Variants in FAM217B observed in about 807,000 individuals in gnomAD.
The protein encoded by FAM217B is protein FAM217B.
For synonymous variants in FAM217B, 163 were observed against 173.0 expected (o/e 0.94, Z 0.45); for missense variants, 463 against 456.9 (o/e 1.01, Z -0.12).
upstream of FAM217B, chr20:59,939,759 G>A (rs1490519469): frequency 4.9e-6 from 6 of 1,224,632 alleles, no homozygotes; most frequent in African/African-American, 6.3e-5. Flanking sequence ...GTCGCAGCCC[G>A]ACGGCGCTGG....
chr20:59,935,745 C>T (rs546735383), upstream of FAM217B, among the ~76,000 whole-genome samples: 140 of 152,288 alleles, frequency 9.2e-4, no homozygotes, highest in Middle Eastern at 0.017. Context: ...TGCACTCCAA[C>T]GTTGGTGACA....
chr20:59,939,704 G>C (rs1305607394), upstream of FAM217B: 6 of 1,338,490 alleles, frequency 4.5e-6, no homozygotes, highest in Admixed American at 4.1e-5. Flanking sequence ...CGGGGGAGCT[G>C]GGCAGTGAGC....
upstream of FAM217B, chr20:59,939,360 C>T: frequency 6.2e-7 from 1 of 1,610,864 alleles, no homozygotes; most frequent in Non-Finnish European, 8.5e-7. Context: ...GCGCACCGTA[C>T]CGCTGATGCC....
At chr20:59,936,091 C>A (rs991373786), upstream of FAM217B, among the ~76,000 whole-genome samples, 1 of 152,190 alleles carries the variant, frequency 6.6e-6, no homozygotes, top group African/African-American at 2.4e-5. Context: ...ATAGTACAGT[C>A]TATTGCTTCA....
upstream of FAM217B, chr20:59,939,288 C>T: frequency 6.2e-7 from 1 of 1,612,416 alleles, no homozygotes; most frequent in Non-Finnish European, 8.5e-7. Context: ...CTCGTGGGTA[C>T]TGCGCCAGCC....
chr20:59,934,930 G>A (rs1276015906), intron 1 of FAM217B, among the ~76,000 whole-genome samples: 1 of 152,138 alleles, frequency 6.6e-6, no homozygotes, highest in African/African-American at 2.4e-5. Context: ...CCAACTTCTT[G>A]ACAACTTTGT....
chr20:59,939,008 C>G, upstream of FAM217B: 1 of 1,491,192 alleles, frequency 6.7e-7, no homozygotes, highest in Non-Finnish European at 8.9e-7. Flanking sequence ...TGTGGAGGCT[C>G]CAGGTGGCCG....
chr20:59,939,104 G>A, upstream of FAM217B: 2 of 1,600,598 alleles, frequency 1.2e-6, no homozygotes, highest in Non-Finnish European at 1.7e-6. Flanking sequence ...GACATGTGAG[G>A]CTGTAGTCTC....
intron 1 of FAM217B, among the ~76,000 whole-genome samples, chr20:59,935,343 G>A (rs1179041500): frequency 4.6e-5 from 7 of 152,144 alleles, no homozygotes. Flanking sequence ...TGTTCAGGAA[G>A]CCTGCGGATT....
Position 59,944,379 on chromosome 20 carries a change from C to G in FAM217B, c.436C>G (p.Leu146Val). 1.2e-6 allele frequency: 2 copies of G among 1,614,082 alleles called. No individual in the cohort carries two copies. Among genetic ancestry groups the G allele is most frequent in the East Asian group, 4.5e-5 (2 of 44,868 alleles). The change falls in exon 4 of 4, where the codon CTT becomes GTT. Residue 146 changes from leucine to valine, a missense_variant. Coordinates refer to ENST00000360816, the MANE Select transcript of FAM217B (RefSeq NM_022106.3). Reference protein sequence around the residue: ...TKPEYYYPNFLPSPFSSWDLR... With the variant: ...TKPEYYYPNFVPSPFSSWDLR... ...ACCTGAATACTATTATCCTAATTTC[C>G]TTCCATCCCCTTTCAGCTCCTGGGA...
chr20:59,942,354 G>C (rs1031039843), intron 2 of FAM217B, 45 bp downstream of exon 2: 7 of 152,204 alleles, frequency 4.6e-5, no homozygotes, highest in Admixed American at 4.6e-4. Flanking sequence ...TTTATTCTGG[G>C]ATTTTTGTTT....
At chr20:59,940,179 A>G (rs977000697), upstream of FAM217B, 122 of 381,088 alleles carry the variant, frequency 3.2e-4, no homozygotes, top group Non-Finnish European at 5.3e-4. Context: ...AAGCTTTCAG[A>G]GGCCTCCCGG....
intron 1 of FAM217B, chr20:59,941,982 T>C (rs992589646): frequency 3.3e-5 from 5 of 152,218 alleles, no homozygotes; most frequent in African/African-American, 7.2e-5. Flanking sequence ...CTGTCTCTAA[T>C]ATCTACTGTA....
chr20:59,945,694 A>T lies in FAM217B; in HGVS notation c.*599A>T, dbSNP rs183425622. The T allele has an allele frequency of 1.2e-5, 2 of 166,738 alleles. No individual in the cohort carries two copies. The highest frequency in any genetic ancestry group is 2.4e-5 in the African/African-American group (1 of 41,358). The allele number at this position is 166,738 out of a possible 1,614,324, so 10.3% of individuals were successfully genotyped here. A position where few individuals can be genotyped will look rare whatever the true frequency, so the allele number is the denominator to read the frequency against. Reference sequence around the variant, plus strand: ...TAAGCTGGTTGCTTTCTAGAGAGACAGTGGAATCTAGTACTTTAATACATT... The same window carrying T: ...TAAGCTGGTTGCTTTCTAGAGAGACTGTGGAATCTAGTACTTTAATACATT... On this transcript the variant is annotated 3_prime_UTR_variant, in exon 4 of 4. Coordinates refer to ENST00000360816, the MANE Select transcript of FAM217B (RefSeq NM_022106.3).
chr20:59,942,884 C>T (rs1407374523), intron 3 of FAM217B, among the ~76,000 whole-genome samples: 3 of 152,086 alleles, frequency 2.0e-5, no homozygotes, highest in South Asian at 4.1e-4. Flanking sequence ...TCCTTCATTT[C>T]TTCATTTATT....
At chr20:59,939,149 C>T, upstream of FAM217B, 1 of 1,611,562 alleles carries the variant, frequency 6.2e-7, no homozygotes, top group Non-Finnish European at 8.5e-7. Context: ...CGGCACCCGC[C>T]ACTTGGTAGC....
rs1402408894 is a variant in FAM217B at position 59,946,177 on chromosome 20, T to C, written c.*1082T>C. ...GTTGCTGAATGAATTCTAAACTCGC[T>C]TATCTGGTCTTCAGGCTTCCCAACT... On this transcript the variant is annotated 3_prime_UTR_variant, in exon 4 of 4. Coordinates refer to ENST00000360816, the MANE Select transcript of FAM217B (RefSeq NM_022106.3). The C allele has an allele frequency of 6.0e-6, 1 of 167,084 alleles. No homozygotes were observed. The highest frequency in any genetic ancestry group is 2.4e-5 in the African/African-American group (1 of 41,450). The allele number at this position is 167,084 out of a possible 1,614,324, so 10.4% of individuals were successfully genotyped here.
chr20:59,939,938 G>A (rs1245119484), upstream of FAM217B: 6 of 1,263,838 alleles, frequency 4.7e-6, no homozygotes, highest in African/African-American at 6.2e-5. Context: ...ACATGGCCCC[G>A]CCGGCCGTCG....
In FAM217B at chr20:59,944,461, G is replaced by T. The variant is rs763687553; in HGVS notation, c.518G>T (p.Arg173Leu). ...NAENKTEAVP[R>L]VGGLLGKYID... ...GAGAACAAAACGGAAGCCGTGCCCC[G>T]AGTGGGAGGACTTCTTGGGAAGTAT... is the stretch of plus-strand genomic sequence containing the variant. Residue 173 changes from arginine (R) to leucine (L), a missense_variant, in exon 4 of 4, where the codon CGA becomes CTA. Coordinates refer to ENST00000360816, the MANE Select transcript of FAM217B (RefSeq NM_022106.3). 6.2e-7 allele frequency: 1 copy of T among 1,613,914 alleles called. No individual in the cohort carries two copies. Among genetic ancestry groups the T allele is most frequent in the Admixed American group, 1.7e-5 (1 of 59,960 alleles).
Sources: gnomAD v4.1 joint callset for allele counts (sites outside exome capture counted in the v4.1 genomes callset) on GRCh38, gnomAD v4.1.1 for gene constraint, MANE v1.5 for transcripts, NCBI Gene and HGNC (gene_info 2026-07-23, HGNC 2026-07-21) for gene names.